DSCAML1: variants seen among roughly 807,000 people sequenced by gnomAD.
DSCAML1 encodes the protein cell adhesion molecule DSCAML1.
DSCAML1 carries 38 observed loss-of-function variants against 200.5 expected under a neutral mutation model. That is an observed-to-expected ratio of 0.19 (90% confidence interval 0.15 to 0.25). The LOEUF (loss-of-function observed/expected upper bound fraction) is 0.25, where lower values mean the gene tolerates loss of function less well. Ranked by LOEUF, DSCAML1 falls within the 10% of genes least tolerant of loss-of-function variation. The pLI, the probability that DSCAML1 is intolerant of heterozygous loss-of-function variation, is 1.00. For missense variants in DSCAML1, 2,223 were observed against 2,858.8 expected (o/e 0.78, Z 5.07); for synonymous variants, 1,215 against 1,165.0 (o/e 1.04, Z -0.87).
intron 1 of DSCAML1, among the ~76,000 whole-genome samples, chr11:117,812,517 C>G (rs988156856): frequency 6.6e-6 from 1 of 152,036 alleles, no homozygotes; most frequent in Non-Finnish European, 1.5e-5. Flanking sequence ...TTCTGGATCT[C>G]AAACGTGCTT....
chr11:117,472,084 A>C (rs1236546305), intron 14 of DSCAML1, 48 bp from the exon 15 acceptor site: 18 of 1,602,106 alleles, frequency 1.1e-5, no homozygotes, highest in Non-Finnish European at 1.5e-5. Context: ...AAACTCCAGG[A>C]CCCCTTCCCA....
intron 4 of DSCAML1, among the ~76,000 whole-genome samples, chr11:117,529,606 G>T (rs1233215426): frequency 6.6e-6 from 1 of 151,954 alleles, no homozygotes; most frequent in Non-Finnish European, 1.5e-5. Flanking sequence ...TTAGCCCTGA[G>T]TGCTGAAGAG....
intron 2 of DSCAML1, among the ~76,000 whole-genome samples, chr11:117,778,394 A>G (rs962476583): frequency 1.3e-5 from 2 of 152,206 alleles, no homozygotes; most frequent in African/African-American, 4.8e-5. Context: ...GTGATGTCCC[A>G]GGGAGTCAGC....
At chr11:117,528,461 C>G (rs577100779) in intron 4 of DSCAML1, among the ~76,000 whole-genome samples, 28 of 152,300 alleles carry the variant, frequency 1.8e-4, no homozygotes, top group African/African-American at 6.3e-4. Context: ...GTGCTCCTAG[C>G]ACTGAAGCAG....
intron 3 of DSCAML1, among the ~76,000 whole-genome samples, chr11:117,630,780 A>T (rs547064536): frequency 7.9e-5 from 12 of 151,988 alleles, no homozygotes; most frequent in African/African-American, 2.9e-4. Flanking sequence ...CCTGAAAAGC[A>T]TCCCCATTGG....
chr11:117,707,768 C>T (rs541631588), intron 3 of DSCAML1, among the ~76,000 whole-genome samples: 23 of 152,124 alleles, frequency 1.5e-4, no homozygotes, highest in East Asian at 9.7e-4. Context: ...CTCCTCACCT[C>T]GTGATCCACC....
intron 1 of DSCAML1, among the ~76,000 whole-genome samples, chr11:117,796,253 C>G (rs993826160): frequency 6.6e-6 from 1 of 152,246 alleles, no homozygotes; most frequent in Admixed American, 6.5e-5. Context: ...CCCCTCTCTC[C>G]GGGAAGAGGG....
intron 20 of DSCAML1, 21 bp from the exon 21 acceptor site, chr11:117,444,060 G>A: frequency 6.3e-7 from 1 of 1,597,162 alleles, no homozygotes; most frequent in Non-Finnish European, 8.6e-7. Context: ...GAGGCAAAGA[G>A]GCTCTAAGAA....
chr11:117,579,287 T>C (rs1273326150), intron 3 of DSCAML1, among the ~76,000 whole-genome samples: 2 of 152,234 alleles, frequency 1.3e-5, no homozygotes, highest in African/African-American at 2.4e-5. Flanking sequence ...AAATTCAAAC[T>C]CTTTACGGTG....
intron 14 of DSCAML1, among the ~76,000 whole-genome samples, chr11:117,478,840 A>G (rs2048849866): frequency 6.6e-6 from 1 of 152,212 alleles, no homozygotes; most frequent in South Asian, 2.1e-4. Context: ...ACAGGGGACC[A>G]GACACATGCC....
chr11:117,707,228 C>A (rs746822615), intron 3 of DSCAML1, among the ~76,000 whole-genome samples: 2 of 152,252 alleles, frequency 1.3e-5, no homozygotes, highest in African/African-American at 4.8e-5. Context: ...GGAACGACCA[C>A]TGCCTGCCCT....
intron 3 of DSCAML1, among the ~76,000 whole-genome samples, chr11:117,719,562 T>TA (rs1039046079): frequency 3.3e-5 from 5 of 152,262 alleles, no homozygotes; most frequent in Admixed American, 2.0e-4. Context: ...ATTCTCTAGT[T>TA]AAGAGTTTGT....
chr11:117,737,457 C>T (rs1053947202), intron 3 of DSCAML1, among the ~76,000 whole-genome samples: 9 of 152,150 alleles, frequency 5.9e-5, no homozygotes, highest in South Asian at 2.1e-4. Context: ...CAGAGCTCAG[C>T]GACCAGTGCA....
intron 3 of DSCAML1, among the ~76,000 whole-genome samples, chr11:117,630,804 G>A (rs1399435540): frequency 1.3e-5 from 2 of 152,080 alleles, no homozygotes; most frequent in African/African-American, 4.8e-5. Flanking sequence ...ATTTTAGATG[G>A]TGGCAAGAGC....
chr11:117,449,371 G>T (rs895558867), intron 20 of DSCAML1, among the ~76,000 whole-genome samples: 1 of 152,092 alleles, frequency 6.6e-6, no homozygotes, highest in African/African-American at 2.4e-5. Flanking sequence ...GGATGGAGTG[G>T]GGGGCCGCAG....
intron 3 of DSCAML1, among the ~76,000 whole-genome samples, chr11:117,654,835 A>G (rs1391809024): frequency 2.0e-5 from 3 of 151,970 alleles, no homozygotes; most frequent in African/African-American, 7.3e-5. Context: ...GAGCGGGTGG[A>G]GGAAACGGCG....
chr11:117,614,566 A>G (rs766764058), intron 3 of DSCAML1, among the ~76,000 whole-genome samples: 1 of 151,862 alleles, frequency 6.6e-6, no homozygotes, highest in Non-Finnish European at 1.5e-5. Context: ...CCTGTTGTTG[A>G]TTCTTTAAAA....
At chr11:117,507,291 C>T (rs1390267192) in intron 8 of DSCAML1, among the ~76,000 whole-genome samples, 1 of 152,216 alleles carries the variant, frequency 6.6e-6, no homozygotes, top group East Asian at 1.9e-4. Flanking sequence ...GCACCAGCCG[C>T]ACCCCTCCCT....
At chr11:117,592,617 A>G (rs750316683) in intron 3 of DSCAML1, among the ~76,000 whole-genome samples, 1 of 152,196 alleles carries the variant, frequency 6.6e-6, no homozygotes, top group Non-Finnish European at 1.5e-5. Flanking sequence ...GTATTGAGCT[A>G]ATAGTTACAC....
Sources: gnomAD v4.1 joint callset for allele counts (sites outside exome capture counted in the v4.1 genomes callset) on GRCh38, gnomAD v4.1.1 for gene constraint, MANE v1.5 for transcripts, NCBI Gene and HGNC (gene_info 2026-07-23, HGNC 2026-07-21) for gene names.